The following ANO6 variants were observed in gnomAD, a reference collection of about 807,000 sequenced individuals.
ANO6 encodes the protein anoctamin 6, also known as anoctamin-6.
Under a neutral mutation model 117.5 loss-of-function variants are expected in ANO6, and 106 were observed. The ratio of observed to expected loss-of-function variants is 0.90; its 90% confidence interval spans 0.77 to 1.06. The LOEUF (loss-of-function observed/expected upper bound fraction) is 1.06, where lower values mean the gene tolerates loss of function less well. Ranked by LOEUF, ANO6 falls within the 50% of genes least tolerant of loss-of-function variation. ANO6 has a pLI of 0.00. For missense variants in ANO6, 955 were observed against 1,121.1 expected (o/e 0.85, Z 2.12); for synonymous variants, 367 against 385.1 (o/e 0.95, Z 0.55).
At chr12:45,374,092 A>G (rs1593031136) in intron 9 of ANO6, among the ~76,000 whole-genome samples, 1 of 150,298 alleles carries the variant, frequency 6.7e-6, no homozygotes, top group East Asian at 1.9e-4. Flanking sequence ...CAAATAAACT[A>G]GAAAATCTAG....
At chr12:45,425,239 G>A (rs146467374) in intron 19 of ANO6, among the ~76,000 whole-genome samples, 357 of 152,244 alleles carry the variant, frequency 2.3e-3, no homozygotes, top group African/African-American at 8.1e-3. Flanking sequence ...TTGTGAATTG[G>A]AAGATAGGTC....
At chr12:45,387,570 A>G (rs1040851272) in intron 10 of ANO6, among the ~76,000 whole-genome samples, 1 of 152,206 alleles carries the variant, frequency 6.6e-6, no homozygotes. Context: ...TGACCATCAC[A>G]TTGCCTTTCC....
intron 2 of ANO6, among the ~76,000 whole-genome samples, chr12:45,319,753 CTT>C (rs1257709683): frequency 6.6e-6 from 1 of 152,024 alleles, no homozygotes; most frequent in Non-Finnish European, 1.5e-5. Flanking sequence ...GTCCTGGACT[CTT>C]TTTGGTTGGT....
At chr12:45,340,895 A>G (rs922104476) in intron 3 of ANO6, among the ~76,000 whole-genome samples, 1 of 152,200 alleles carries the variant, frequency 6.6e-6, no homozygotes, top group Non-Finnish European at 1.5e-5. Flanking sequence ...TGACAAATAT[A>G]GCACATATGC....
chr12:45,359,579 A>T (rs1188028078), intron 8 of ANO6, among the ~76,000 whole-genome samples: 1 of 152,042 alleles, frequency 6.6e-6, no homozygotes, highest in Non-Finnish European at 1.5e-5. Flanking sequence ...CTTTCATTTC[A>T]CCTACTGTTT....
intron 2 of ANO6, among the ~76,000 whole-genome samples, chr12:45,307,926 T>C (rs1201815641): frequency 1.3e-5 from 2 of 151,940 alleles, no homozygotes; most frequent in Non-Finnish European, 2.9e-5. Context: ...CAGGAGGGGT[T>C]TGGGTTGAGT....
chr12:45,260,883 G>T (rs960856574), intron 1 of ANO6, among the ~76,000 whole-genome samples: 4 of 152,060 alleles, frequency 2.6e-5, no homozygotes, highest in Non-Finnish European at 5.9e-5. Context: ...AAACTGTTGG[G>T]CTCAAGCAAT....
At chr12:45,421,041 C>T (rs533172990) in intron 17 of ANO6, 30 bp from the exon 18 acceptor site, 2 of 1,610,580 alleles carry the variant, frequency 1.2e-6, no homozygotes, top group East Asian at 4.5e-5. Context: ...ACTATAACTT[C>T]ATTTTCGCTT....
At chr12:45,379,261 GTGCCTA>G (rs1441233014) in intron 10 of ANO6, among the ~76,000 whole-genome samples, 25 of 152,292 alleles carry the variant, frequency 1.6e-4, no homozygotes, top group African/African-American at 5.8e-4. Flanking sequence ...GGTAGTGATT[GTGCCTA>G]TGAAGAATTA....
chr12:45,223,354 C>T (rs928760151), intron 1 of ANO6, among the ~76,000 whole-genome samples: 1 of 152,266 alleles, frequency 6.6e-6, no homozygotes, highest in East Asian at 1.9e-4. Flanking sequence ...TTGGAGGATA[C>T]CCAGCTGGTA....
At chr12:45,392,027 C>T (rs911599762) in intron 12 of ANO6, among the ~76,000 whole-genome samples, 12 of 152,188 alleles carry the variant, frequency 7.9e-5, no homozygotes, top group Non-Finnish European at 1.2e-4. Flanking sequence ...CCACAGAGGG[C>T]GAGCTGAAGC....
At chr12:45,398,203 A>G (rs1020727059) in intron 12 of ANO6, among the ~76,000 whole-genome samples, 27 of 152,356 alleles carry the variant, frequency 1.8e-4, no homozygotes, top group African/African-American at 6.5e-4. Context: ...CATCTAGAAG[A>G]TAACACCAAA....
intron 1 of ANO6, among the ~76,000 whole-genome samples, chr12:45,225,891 AATTAC>A (rs1947475344): frequency 6.6e-6 from 1 of 152,222 alleles, no homozygotes; most frequent in Admixed American, 6.5e-5. Context: ...AAATATTTCC[AATTAC>A]CTTTAGCCAA....
At chr12:45,319,575 C>CT (rs1565686592) in intron 2 of ANO6, among the ~76,000 whole-genome samples, 1 of 151,958 alleles carries the variant, frequency 6.6e-6, no homozygotes, top group Non-Finnish European at 1.5e-5. Flanking sequence ...GTCTAAAATT[C>CT]TTTTTTTGTT....
intron 3 of ANO6, among the ~76,000 whole-genome samples, chr12:45,332,562 C>T (rs923336967): frequency 3.3e-5 from 5 of 152,030 alleles, no homozygotes; most frequent in Admixed American, 3.3e-4. Flanking sequence ...AGTTCTAATT[C>T]TGCCACTCTG....
At chr12:45,251,670 AC>A (rs1565645946) in intron 1 of ANO6, among the ~76,000 whole-genome samples, 2 of 152,078 alleles carry the variant, frequency 1.3e-5, no homozygotes, top group African/African-American at 4.8e-5. Flanking sequence ...CTCATCATGC[AC>A]CCTTGGAGGA....
intron 9 of ANO6, among the ~76,000 whole-genome samples, chr12:45,372,485 G>A (rs1481411990): frequency 7.0e-6 from 1 of 142,580 alleles, no homozygotes; most frequent in Admixed American, 7.1e-5. Context: ...CCCTCAAAGG[G>A]AAGCCCATCA....
chr12:45,259,661 A>G (rs184730455), intron 1 of ANO6, among the ~76,000 whole-genome samples: 62 of 152,250 alleles, frequency 4.1e-4, no homozygotes, highest in Admixed American at 9.8e-4. Flanking sequence ...CTGCCTCTTT[A>G]TTTGCTCCAA....
rs186657777 is a variant in ANO6 at position 45,390,226 on chromosome 12, A to G, written c.1309-195A>G. On this transcript the variant is annotated intron_variant, in intron 11 of 19. Transcript: ENST00000320560. ...TGCTTGCATTTTCCAAAAACTTATT[A>G]AAATGAACACTGCACATGTTTTGTG... 2.4e-3 allele frequency among the ~76,000 whole-genome samples: 367 copies of G among 152,356 alleles called. 2 individuals are homozygous for G. Among genetic ancestry groups the G allele is most frequent in the Middle Eastern group, 3.4e-3 (1 of 294 alleles).
Sources: allele counts gnomAD v4.1 joint callset (sites outside exome capture counted in the v4.1 genomes callset), GRCh38; gene constraint gnomAD v4.1.1; transcripts MANE v1.5; gene names NCBI Gene and HGNC (gene_info 2026-07-23, HGNC 2026-07-21).